Variants in DERA observed in about 807,000 individuals in gnomAD.
DERA encodes deoxyribose-phosphate aldolase.
DERA carries 15 observed loss-of-function variants against 41.1 expected under a neutral mutation model. That is an observed-to-expected ratio of 0.37 (90% CI 0.24 to 0.56). The LOEUF is 0.56. Ranked by LOEUF, DERA falls within the 20% of genes least tolerant of loss-of-function variation. DERA has a pLI of 0.81. For synonymous variants in DERA, 139 were observed against 137.4 expected (o/e 1.01, Z -0.08); for missense variants, 396 against 403.4 (o/e 0.98, Z 0.16).
chr12:15,919,258 CAT>C (rs1491247396), intron 1 of DERA, among the ~76,000 whole-genome samples: 2 of 151,728 alleles, frequency 1.3e-5, no homozygotes, highest in East Asian at 3.9e-4. Context: ...AGTTAAAAAA[CAT>C]TTTTTTTTTT....
rs1759480893 is a variant in DERA, at chr12:16,003,502, C to G, written c.637+21066C>G. ...TTTTTGGCTCATTTTGCTTGTGTGC[C>G]TAAGGGCTGAGTGTTCGTTTTAGGT... is the stretch of plus-strand genomic sequence containing the variant. On this transcript the variant is annotated intron_variant, in intron 6 of 8. Coordinates refer to ENST00000428559, the MANE Select transcript of DERA (RefSeq NM_015954.4). This position sits in a 1 kb window ranked among gnomAD's most constrained non-coding sequence, Gnocchi z 4.8. Among the ~76,000 whole-genome samples, 1 of 152,072 alleles carries G rather than the reference C, an allele frequency of 6.6e-6. No homozygotes were observed.
rs962845662 is a variant in DERA, at chr12:15,911,370, G to T, written c.-14G>T. ...GGGCGCCTACCAGCCGGCAGCTCCG[G>T]AGCTGCCCGCGCCATGTCCGCGCAC... On this transcript the variant is annotated 5_prime_UTR_variant, in exon 1 of 9. Transcript: ENST00000428559. This position sits in a 1 kb window ranked among gnomAD's most constrained non-coding sequence, Gnocchi z 4.5. 47 of 1,413,330 alleles carry T rather than the reference G, an allele frequency of 3.3e-5. No individual in the cohort carries two copies. The highest frequency in any genetic ancestry group is 1.4e-4 in the African/African-American group (9 of 65,940). The allele number at this position is 1,413,330 out of a possible 1,614,324, so 87.5% of individuals were successfully genotyped here.
intron 5 of DERA, among the ~76,000 whole-genome samples, chr12:15,969,207 T>C (rs1948643791): frequency 6.6e-6 from 1 of 152,250 alleles, no homozygotes. Context: ...ATAAATCTTA[T>C]TGAGCAGGTT....
chr12:15,968,104 A>T (rs1017445650), intron 5 of DERA, among the ~76,000 whole-genome samples: 1 of 148,942 alleles, frequency 6.7e-6, no homozygotes, highest in African/African-American at 2.5e-5. Context: ...TTTTTTTGAC[A>T]TAATTCCAGT....
rs547583633 is a variant in DERA at position 15,966,290 on chromosome 12, C to A, written c.508+3343C>A. On this transcript the variant is annotated intron_variant, in intron 5 of 8. Transcript: ENST00000428559. This position sits in a 1 kb window ranked among gnomAD's most constrained non-coding sequence, Gnocchi z 5.1. ...ACCAGCCTGGCCAACATGGCAAAAC[C>A]CTATCTCTACTAAATATACAAAGAT... Among the ~76,000 whole-genome samples the A allele has an allele frequency of 6.6e-6, 1 of 152,072 alleles. No homozygotes were observed. The highest frequency in any genetic ancestry group is 1.5e-5 in the Non-Finnish European group (1 of 68,010).
chr12:15,998,228 C>T lies in DERA; in HGVS notation c.637+15792C>T, dbSNP rs906418353. Reference sequence around the variant, plus strand: ...GAGAAACATGCATTTTAAAACTTCTCCAGTTGCTTCTGCTGTGTGGGCAGG... The same window carrying T: ...GAGAAACATGCATTTTAAAACTTCTTCAGTTGCTTCTGCTGTGTGGGCAGG... On this transcript the variant is annotated intron_variant, in intron 6 of 8. Coordinates refer to ENST00000428559, the MANE Select transcript of DERA (RefSeq NM_015954.4). This position sits in a 1 kb window ranked among gnomAD's most constrained non-coding sequence, Gnocchi z 4.8. Among the ~76,000 whole-genome samples the T allele has an allele frequency of 6.6e-6, 1 of 152,298 alleles. No homozygotes were observed. Among genetic ancestry groups the T allele is most frequent in the South Asian group, 2.1e-4 (1 of 4,826 alleles).
rs991313677 is a variant in DERA, at chr12:15,965,511, C to T, written c.508+2564C>T. 6.6e-6 allele frequency among the ~76,000 whole-genome samples: 1 copy of T among 152,046 alleles called. No individual in the cohort carries two copies. The highest frequency in any genetic ancestry group is 6.6e-5 in the Admixed American group (1 of 15,248). On this transcript the variant is annotated intron_variant, in intron 5 of 8. Coordinates refer to ENST00000428559, the MANE Select transcript of DERA (RefSeq NM_015954.4). The surrounding 1 kb of genome is among the most constrained non-coding windows in gnomAD (Gnocchi z 4.1). The stretch of plus-strand genomic sequence containing the variant: ...GTTCCCCTCCCTGTGTCCATGTGTT[C>T]TCATTAAGAGCCCCATTTTTTAAAC...
chr12:15,917,067 A>G (rs1261050505), intron 1 of DERA, among the ~76,000 whole-genome samples: 1 of 152,232 alleles, frequency 6.6e-6, no homozygotes, highest in African/African-American at 2.4e-5. Flanking sequence ...GCTGTAAACA[A>G]GATAAACAGT....
intron 1 of DERA, among the ~76,000 whole-genome samples, chr12:15,934,314 C>G (rs577819797): frequency 1.3e-5 from 2 of 152,092 alleles, no homozygotes; most frequent in African/African-American, 2.4e-5. Flanking sequence ...AGGCCCTGCG[C>G]GGTGGCTCAC....
rs554268600 is a variant in DERA, at chr12:16,000,522, A to G, written c.637+18086A>G. 6.6e-6 allele frequency among the ~76,000 whole-genome samples: 1 copy of G among 152,214 alleles called. No individual in the cohort carries two copies. Among genetic ancestry groups the G allele is most frequent in the Non-Finnish European group, 1.5e-5 (1 of 68,032 alleles). On this transcript the variant is annotated intron_variant, in intron 6 of 8. Coordinates refer to ENST00000428559, the MANE Select transcript of DERA (RefSeq NM_015954.4). The surrounding 1 kb of genome is among the most constrained non-coding windows in gnomAD (Gnocchi z 4.8). ...TGCTTTGCTTTACCAGTGACCCAAG[A>G]ATGAGTGTTATAGTATGCTTTTTGT...
In DERA at chr12:15,985,274, T is replaced by C. The variant is rs1339204351; in HGVS notation, c.637+2838T>C. 6.6e-6 allele frequency: 1 copy of C among 152,232 alleles called. No homozygotes were observed. Among genetic ancestry groups the C allele is most frequent in the Non-Finnish European group, 1.5e-5 (1 of 68,038 alleles). The allele number at this position is 152,232 out of a possible 1,614,324, so 9.4% of individuals were successfully genotyped here. A position where few individuals can be genotyped will look rare whatever the true frequency, so the allele number is the denominator to read the frequency against. On this transcript the variant is annotated intron_variant, in intron 6 of 8. Transcript: ENST00000428559. This position sits in a 1 kb window ranked among gnomAD's most constrained non-coding sequence, Gnocchi z 4.2. Reference sequence around the variant, plus strand: ...TTGGGTGCTTTGTTTTTGGTTTGTTTTGCCCTCACTAAAAATAAGAGATAA... The same window carrying C: ...TTGGGTGCTTTGTTTTTGGTTTGTTCTGCCCTCACTAAAAATAAGAGATAA...
In DERA at chr12:16,004,648, C is replaced by CAT. The variant is rs1354068539; in HGVS notation, c.637+22213_637+22214dup. ...CTCAAGAAACAAGTGGGTGTTTATG[C>CAT]ATGTATCCTTTGTACGATGACAACA... On this transcript the variant is annotated intron_variant, in intron 6 of 8. Coordinates refer to ENST00000428559, the MANE Select transcript of DERA (RefSeq NM_015954.4). This position sits in a 1 kb window ranked among gnomAD's most constrained non-coding sequence, Gnocchi z 4.2. Among the ~76,000 whole-genome samples the CAT allele has an allele frequency of 6.6e-6, 1 of 152,142 alleles. No homozygotes were observed. The highest frequency in any genetic ancestry group is 2.4e-5 in the African/African-American group (1 of 41,434).
rs778338333 is a variant in DERA, at chr12:16,000,300, T to G, written c.637+17864T>G. Reference sequence around the variant, plus strand: ...AACCGCTTTTCCTCTACTTTTCTGTTCTTGCAACAAGGAAAAACATAGTAA... The same window carrying G: ...AACCGCTTTTCCTCTACTTTTCTGTGCTTGCAACAAGGAAAAACATAGTAA... On this transcript the variant is annotated intron_variant, in intron 6 of 8. Transcript: ENST00000428559. The surrounding 1 kb of genome is among the most constrained non-coding windows in gnomAD (Gnocchi z 4.8). Among the ~76,000 whole-genome samples, 1 of 152,218 alleles carries G rather than the reference T, an allele frequency of 6.6e-6. No homozygotes were observed. Among genetic ancestry groups the G allele is most frequent in the African/African-American group, 2.4e-5 (1 of 41,462 alleles).
At chr12:15,971,712 T>G (rs577168534) in intron 5 of DERA, among the ~76,000 whole-genome samples, 1 of 152,200 alleles carries the variant, frequency 6.6e-6, no homozygotes, top group African/African-American at 2.4e-5. Context: ...GAGATGGGGT[T>G]TCACCATGTT....
intron 1 of DERA, among the ~76,000 whole-genome samples, chr12:15,920,689 T>C (rs1233323740): frequency 1.3e-5 from 2 of 152,094 alleles, no homozygotes; most frequent in Non-Finnish European, 2.9e-5. Context: ...AAAAATTAGC[T>C]GGGCGTGGTG....
chr12:16,014,800 G>A lies in DERA; in HGVS notation c.638-17742G>A, dbSNP rs1384769885. On this transcript the variant is annotated intron_variant, in intron 6 of 8. Coordinates refer to ENST00000428559, the MANE Select transcript of DERA (RefSeq NM_015954.4). The surrounding 1 kb of genome is among the most constrained non-coding windows in gnomAD (Gnocchi z 5.4). The stretch of plus-strand genomic sequence containing the variant: ...AGACACTCAATGCTAGCCCGTGAAA[G>A]CAGCCAGGAGGGGTACTGTACCCTG... 1.3e-5 allele frequency among the ~76,000 whole-genome samples: 2 copies of A among 152,228 alleles called. No individual in the cohort carries two copies. The highest frequency in any genetic ancestry group is 2.4e-5 in the African/African-American group (1 of 41,462).
intron 6 of DERA, among the ~76,000 whole-genome samples, chr12:16,006,943 G>T (rs1418178939): frequency 1.3e-5 from 2 of 152,220 alleles, no homozygotes; most frequent in Non-Finnish European, 2.9e-5. Flanking sequence ...GATGGCCTCA[G>T]TGGGAGCCTG....
rs1391445905 is a variant in DERA, at chr12:15,959,886, C to T, written c.335C>T (p.Ala112Val). Residue 112 changes from alanine (A) to valine (V), a missense_variant, in exon 4 of 9, where the codon GCA (alanine) becomes GTA (valine). Physicochemically the swap from Ala to Val is moderately conservative, Grantham distance 64 (BLOSUM62 0). Coordinates refer to ENST00000428559, the MANE Select transcript of DERA (RefSeq NM_015954.4). This position sits in a 1 kb window ranked among gnomAD's most constrained non-coding sequence, Gnocchi z 4.5. ...GCCCGGGTGTGTGATGCTGTAAAAG[C>T]ACTCAAGGCTGCAGGCTGTAATATC... ...YPARVCDAVKALKAAGCNIPV... is the reference protein window; with the variant it reads ...YPARVCDAVKVLKAAGCNIPV... 5.8e-6 allele frequency: 9 copies of T among 1,551,062 alleles called. No homozygotes were observed. In the East Asian group the frequency reaches 1.9e-4, roughly 33 times the overall value.
intron 1 of DERA, among the ~76,000 whole-genome samples, chr12:15,937,367 G>A (rs957446579): frequency 1.3e-5 from 2 of 152,196 alleles, no homozygotes; most frequent in Non-Finnish European, 2.9e-5. Flanking sequence ...ATCATATCAT[G>A]AGGCACAGAA....
Sources: allele counts gnomAD v4.1 joint callset (sites outside exome capture counted in the v4.1 genomes callset), GRCh38; gene constraint gnomAD v4.1.1; non-coding constraint Gnocchi (gnomAD v3.1); transcripts MANE v1.5; gene names NCBI Gene and HGNC (gene_info 2026-07-23, HGNC 2026-07-21).